Variants in DRC11 observed in about 807,000 individuals in gnomAD.
DRC11 encodes dynein regulatory complex subunit 11.
At chr2:236,331,016 G>A in the DRC11 span, among the ~76,000 whole-genome samples, 1 of 152,076 alleles carries the variant, frequency 6.6e-6, no homozygotes, top group Non-Finnish European at 1.5e-5. The surrounding 1 kb of genome is among the most constrained non-coding windows in gnomAD (Gnocchi z 4.8). Context: ...ATACTATTTG[G>A]GGAATGATTT....
the DRC11 span, among the ~76,000 whole-genome samples, chr2:236,399,745 G>A: frequency 2.0e-5 from 3 of 152,266 alleles, no homozygotes; most frequent in Non-Finnish European, 4.4e-5. This position sits in a 1 kb window ranked among gnomAD's most constrained non-coding sequence, Gnocchi z 7.0. Context: ...CCCATGCCCC[G>A]AGTTTGATCC....
the DRC11 span, among the ~76,000 whole-genome samples, chr2:236,365,949 G>C: frequency 6.6e-6 from 1 of 152,188 alleles, no homozygotes; most frequent in African/African-American, 2.4e-5. The surrounding 1 kb of genome is among the most constrained non-coding windows in gnomAD (Gnocchi z 7.4). Flanking sequence ...AAGGAGGCCA[G>C]TGTTCTCTGT....
chr2:236,459,498 TATGTATACGTATACGTATACATGTATAC>T, the DRC11 span, among the ~76,000 whole-genome samples: 3,561 of 123,050 alleles, frequency 0.029, 120 homozygotes, highest in East Asian at 0.074. Context: ...TATACGTATA[TATGTATACGTATACGTATACATGTATAC>T]ATGTATACGT....
chr2:236,451,376 T>G, the DRC11 span, among the ~76,000 whole-genome samples: 2 of 151,712 alleles, frequency 1.3e-5, no homozygotes, highest in African/African-American at 2.4e-5. Context: ...TATATATATA[T>G]AGATATATAT....
At chr2:236,494,435 T>C in the DRC11 span, among the ~76,000 whole-genome samples, 1 of 152,236 alleles carries the variant, frequency 6.6e-6, no homozygotes, top group Non-Finnish European at 1.5e-5. This position sits in a 1 kb window ranked among gnomAD's most constrained non-coding sequence, Gnocchi z 4.2. Flanking sequence ...CTATCCTTCA[T>C]TTGTGCATGT....
At chr2:236,441,166 C>T in the DRC11 span, 3 of 1,326,326 alleles carry the variant, frequency 2.3e-6, no homozygotes, top group Admixed American at 5.9e-5. Context: ...AAATGAAGTC[C>T]TCTCTTGTTA....
At chr2:236,310,807 T>C in the DRC11 span, among the ~76,000 whole-genome samples, 6 of 152,182 alleles carry the variant, frequency 3.9e-5, no homozygotes, top group African/African-American at 1.4e-4. The surrounding 1 kb of genome is among the most constrained non-coding windows in gnomAD (Gnocchi z 5.5). Context: ...GGCGAGGGTA[T>C]TTTGGATGTC....
At chr2:236,500,022 T>G in the DRC11 span, among the ~76,000 whole-genome samples, 21 of 152,150 alleles carry the variant, frequency 1.4e-4, no homozygotes, top group Admixed American at 1.4e-3. This position sits in a 1 kb window ranked among gnomAD's most constrained non-coding sequence, Gnocchi z 6.3. Flanking sequence ...AATGTGCTTT[T>G]TTCACCTTTC....
chr2:236,345,320 C>A, the DRC11 span, among the ~76,000 whole-genome samples: 2 of 152,298 alleles, frequency 1.3e-5, no homozygotes, highest in Non-Finnish European at 2.9e-5. Flanking sequence ...GTCCCCACCC[C>A]CCCCAACCGC....
the DRC11 span, among the ~76,000 whole-genome samples, chr2:236,354,118 G>A: frequency 6.6e-6 from 1 of 152,084 alleles, no homozygotes; most frequent in Non-Finnish European, 1.5e-5. Context: ...CTAGAGAGGA[G>A]CTGGGATGCA....
At chr2:236,422,342 A>G in the DRC11 span, among the ~76,000 whole-genome samples, 7 of 152,250 alleles carry the variant, frequency 4.6e-5, no homozygotes, top group African/African-American at 1.4e-4. Context: ...TTAAGCTGAT[A>G]GGCAACTTCA....
the DRC11 span, among the ~76,000 whole-genome samples, chr2:236,402,050 T>C: frequency 1.3e-5 from 2 of 152,176 alleles, no homozygotes; most frequent in South Asian, 2.1e-4. This position sits in a 1 kb window ranked among gnomAD's most constrained non-coding sequence, Gnocchi z 6.0. Context: ...TGTGGAGCCA[T>C]TGGACTCTCC....
At chr2:236,507,343 G>T in the DRC11 span, 1 of 1,514,084 alleles carries the variant, frequency 6.6e-7, no homozygotes, top group Non-Finnish European at 9.2e-7. Flanking sequence ...TGGCAGCAGG[G>T]GTCAGGGCAC....
chr2:236,379,082 G>A, the DRC11 span, among the ~76,000 whole-genome samples: 4 of 152,296 alleles, frequency 2.6e-5, no homozygotes, highest in East Asian at 7.7e-4. Flanking sequence ...GGCCACAGAT[G>A]CCCAGTGCCC....
At chr2:236,355,639 G>A in the DRC11 span, among the ~76,000 whole-genome samples, 22,074 of 151,938 alleles carry the variant, frequency 0.15, 1,751 homozygotes, top group Admixed American at 0.2. Flanking sequence ...CCTGTTTTAG[G>A]GGCCAGATGT....
At chr2:236,318,373 C>A in the DRC11 span, among the ~76,000 whole-genome samples, 4 of 152,086 alleles carry the variant, frequency 2.6e-5, no homozygotes, top group African/African-American at 2.4e-5. This position sits in a 1 kb window ranked among gnomAD's most constrained non-coding sequence, Gnocchi z 7.0. Context: ...CTGCCATGAG[C>A]CCACCGAGGA....
At chr2:236,328,559 T>G in the DRC11 span, among the ~76,000 whole-genome samples, 206 of 152,182 alleles carry the variant, frequency 1.4e-3, no homozygotes, top group African/African-American at 4.8e-3. This position sits in a 1 kb window ranked among gnomAD's most constrained non-coding sequence, Gnocchi z 6.7. Context: ...GCCTTTCTGT[T>G]TGGATCTTAT....
the DRC11 span, among the ~76,000 whole-genome samples, chr2:236,480,731 C>T: frequency 2.0e-5 from 3 of 152,152 alleles, no homozygotes; most frequent in Non-Finnish European, 4.4e-5. Flanking sequence ...CAGTCACTGG[C>T]TTCTTGCTTT....
chr2:236,435,113 C>A, the DRC11 span, among the ~76,000 whole-genome samples: 11 of 152,132 alleles, frequency 7.2e-5, no homozygotes, highest in Admixed American at 7.2e-4. Context: ...TCTGAGGGCT[C>A]TTGGAGGGGA....
Sources: gnomAD v4.1 joint callset for allele counts (sites outside exome capture counted in the v4.1 genomes callset) on GRCh38, gnomAD v4.1.1 for gene constraint, Gnocchi (gnomAD v3.1) non-coding constraint, MANE v1.5 for transcripts, NCBI Gene and HGNC (gene_info 2026-07-23, HGNC 2026-07-21) for gene names.